The following GPHN variants were observed in gnomAD, a reference collection of about 807,000 sequenced individuals.
The protein encoded by GPHN is gephyrin.
Under a neutral mutation model 95.5 loss-of-function variants are expected in GPHN, and 17 were observed. The observed-to-expected ratio is 0.18, with a 90% confidence interval of 0.12 to 0.27. GPHN has a LOEUF of 0.27. Among genes scored for constraint, GPHN ranks in the 10% least tolerant of loss-of-function variants. The pLI is 1.00. For synonymous variants in GPHN, 320 were observed against 322.5 expected (o/e 0.99, Z 0.08); for missense variants, 660 against 978.1 (o/e 0.67, Z 4.34).
intron 2 of GPHN, among the ~76,000 whole-genome samples, chr14:66,716,331 C>T (rs1402813036): frequency 6.6e-6 from 1 of 152,108 alleles, no homozygotes; most frequent in Non-Finnish European, 1.5e-5. Flanking sequence ...CTCCTGCTGG[C>T]TTTTGGTGTG....
chr14:67,507,955 A>G, the GPHN span, among the ~76,000 whole-genome samples: 1 of 152,082 alleles, frequency 6.6e-6, no homozygotes, highest in African/African-American at 2.4e-5. Context: ...CCTGACCAAC[A>G]TGGAGAAACC....
At chr14:66,638,700 T>G (rs914610971) in intron 1 of GPHN, among the ~76,000 whole-genome samples, 4 of 152,134 alleles carry the variant, frequency 2.6e-5, no homozygotes, top group African/African-American at 9.7e-5. Context: ...TTTCAAACTT[T>G]TTTTTTGCTT....
chr14:67,314,527 G>GT, the GPHN span, among the ~76,000 whole-genome samples: 2 of 152,176 alleles, frequency 1.3e-5, no homozygotes, highest in African/African-American at 4.8e-5. Flanking sequence ...ATTCTTCAGA[G>GT]TAACAGTTAC....
chr14:66,510,916 T>C (rs571018355), intron 1 of GPHN, among the ~76,000 whole-genome samples: 1 of 152,096 alleles, frequency 6.6e-6, no homozygotes, highest in East Asian at 1.9e-4. Flanking sequence ...GGTACAGTAG[T>C]CTAGGGGGAA....
chr14:67,054,625 AAAG>A (rs1370807421), intron 10 of GPHN, among the ~76,000 whole-genome samples: 2 of 152,240 alleles, frequency 1.3e-5, no homozygotes, highest in African/African-American at 4.8e-5. Flanking sequence ...TGGAACCAAA[AAAG>A]AGCCTATATA....
chr14:67,573,735 G>A, the GPHN span: 3 of 1,011,898 alleles, frequency 3.0e-6, no homozygotes, highest in African/African-American at 4.7e-5. This position sits in a 1 kb window ranked among gnomAD's most constrained non-coding sequence, Gnocchi z 4.8. Context: ...AAGATCTGAG[G>A]GTAAATGAGG....
intron 13 of GPHN, among the ~76,000 whole-genome samples, chr14:67,107,731 G>A (rs1009460028): frequency 3.3e-5 from 5 of 152,154 alleles, no homozygotes; most frequent in South Asian, 2.1e-4. Context: ...ATGGCAGAGC[G>A]CAGCTGTGGT....
chr14:66,901,305 A>G (rs2065120046), intron 5 of GPHN, among the ~76,000 whole-genome samples: 1 of 151,984 alleles, frequency 6.6e-6, no homozygotes, highest in African/African-American at 2.4e-5. Flanking sequence ...AGGTAGTTTG[A>G]AATGTTTTCT....
the GPHN span, chr14:67,301,907 TA>T: frequency 6.6e-7 from 1 of 1,510,356 alleles, no homozygotes; most frequent in South Asian, 1.4e-5. Context: ...GTACATAGGT[TA>T]AAAATCACTC....
At chr14:67,101,849 ATTATTTATTTATTTATTTAT>A (rs57643224) in intron 13 of GPHN, among the ~76,000 whole-genome samples, 1 of 145,488 alleles carries the variant, frequency 6.9e-6, no homozygotes, top group African/African-American at 2.5e-5. Flanking sequence ...TGGTTTATGT[ATTATTTATTTATTTATTTAT>A]TTATTTATTT....
At chr14:67,729,740 A>G in the GPHN span, 1 of 509,658 alleles carries the variant, frequency 2.0e-6, no homozygotes, top group South Asian at 1.5e-5. Flanking sequence ...TTTAAATACC[A>G]ATTAGCACAA....
the GPHN span, among the ~76,000 whole-genome samples, chr14:67,353,303 C>T: frequency 6.6e-6 from 1 of 152,128 alleles, no homozygotes; most frequent in Non-Finnish European, 1.5e-5. Context: ...GATCTGCCCT[C>T]CATGAATGGA....
At chr14:66,740,595 T>A (rs1048910999) in intron 2 of GPHN, among the ~76,000 whole-genome samples, 8 of 152,042 alleles carry the variant, frequency 5.3e-5, no homozygotes, top group South Asian at 2.1e-4. Context: ...AAAGTGGTAC[T>A]TAGTGATGTA....
the GPHN span, among the ~76,000 whole-genome samples, chr14:67,422,958 A>G: frequency 6.6e-6 from 1 of 151,212 alleles, no homozygotes; most frequent in Non-Finnish European, 1.5e-5. Flanking sequence ...CAGCCTCCCG[A>G]GTAGCTGGGA....
the GPHN span, among the ~76,000 whole-genome samples, chr14:67,277,367 A>C: frequency 5.3e-5 from 8 of 152,252 alleles, no homozygotes; most frequent in African/African-American, 1.4e-4. Flanking sequence ...TGATTGTTGG[A>C]CTAGTGGTTT....
chr14:67,115,605 C>T (rs994043665), intron 16 of GPHN, among the ~76,000 whole-genome samples: 3 of 152,070 alleles, frequency 2.0e-5, no homozygotes, highest in African/African-American at 7.2e-5. Context: ...TGTGATGGCA[C>T]ATGCCTGTAG....
the GPHN span, among the ~76,000 whole-genome samples, chr14:67,426,558 A>G: frequency 0.039 from 5,952 of 152,110 alleles, 362 homozygotes; most frequent in African/African-American, 0.13. Flanking sequence ...CAGTGTGGAT[A>G]ATGTCTATTT....
the GPHN span, among the ~76,000 whole-genome samples, chr14:67,305,560 C>T: frequency 6.6e-6 from 1 of 152,200 alleles, no homozygotes; most frequent in African/African-American, 2.4e-5. Flanking sequence ...GGATTACAGA[C>T]GTGAGCCACA....
chr14:67,503,725 A>G, the GPHN span, among the ~76,000 whole-genome samples: 1 of 151,716 alleles, frequency 6.6e-6, no homozygotes, highest in Admixed American at 6.6e-5. Context: ...TATTTTTGAG[A>G]CAGAGTCTAG....
Sources: gnomAD v4.1 joint callset for allele counts (sites outside exome capture counted in the v4.1 genomes callset) on GRCh38, gnomAD v4.1.1 for gene constraint, Gnocchi (gnomAD v3.1) non-coding constraint, MANE v1.5 for transcripts, NCBI Gene and HGNC (gene_info 2026-07-23, HGNC 2026-07-21) for gene names.